The following STX7 variants were observed in gnomAD, a reference collection of about 807,000 sequenced individuals.
The protein encoded by STX7 is syntaxin 7, also known as syntaxin-7.
In STX7, 34 loss-of-function variants were observed where a neutral mutation model predicts 39.6. The observed-to-expected ratio is 0.86, with a 90% CI of 0.65 to 1.14. The LOEUF is 1.14. STX7 is among the 50% of genes most tolerant of loss of function. The pLI is 0.00. For missense variants in STX7, 284 were observed against 310.4 expected (o/e 0.92, Z 0.64); for synonymous variants, 119 against 99.1 (o/e 1.20, Z -1.19).
At chr6:132,494,811 A>C (rs1775382847) in intron 2 of STX7, among the ~76,000 whole-genome samples, 1 of 152,206 alleles carries the variant, frequency 6.6e-6, no homozygotes, top group Non-Finnish European at 1.5e-5. Context: ...AAGCTATAGG[A>C]TGACATGATC....
chr6:132,501,120 C>T (rs1012839118), intron 2 of STX7, among the ~76,000 whole-genome samples: 10 of 150,296 alleles, frequency 6.7e-5, no homozygotes, highest in African/African-American at 2.5e-4. Flanking sequence ...AGTTCAATGG[C>T]GTGATCACTG....
rs1297398830 is a variant in STX7, at chr6:132,453,515, T to C, written c.*7243A>G. ...AATCACACATCCAACAAAGGACTAGTATCTAGAAAAAAATACACACACACA... is the reference window on the plus strand; with the variant it reads ...AATCACACATCCAACAAAGGACTAGCATCTAGAAAAAAATACACACACACA... On this transcript the variant is annotated 3_prime_UTR_variant, in exon 10 of 10. Transcript: ENST00000367941. 2 of 150,672 alleles carry C rather than the reference T, an allele frequency of 1.3e-5. No individual in the cohort carries two copies. The highest frequency in any genetic ancestry group is 3.0e-5 in the Non-Finnish European group (2 of 67,540). The allele number at this position is 150,672 out of a possible 1,614,324, so 9.3% of individuals were successfully genotyped here.
intron 8 of STX7, among the ~76,000 whole-genome samples, chr6:132,464,340 C>T (rs1018842540): frequency 3.9e-5 from 6 of 152,192 alleles, no homozygotes; most frequent in Non-Finnish European, 7.4e-5. Flanking sequence ...CCAGCTCTAC[C>T]TGGCAACCCC....
At chr6:132,477,146 G>A (rs1415751892) in intron 2 of STX7, among the ~76,000 whole-genome samples, 2 of 152,050 alleles carry the variant, frequency 1.3e-5, no homozygotes, top group African/African-American at 2.4e-5. Context: ...CTTAGCATTT[G>A]GCTAATTTAA....
chr6:132,502,490 T>C (rs1180001316), intron 2 of STX7, among the ~76,000 whole-genome samples: 4 of 152,134 alleles, frequency 2.6e-5, no homozygotes, highest in Non-Finnish European at 5.9e-5. Context: ...AATAAAAACC[T>C]ATCCACTCAA....
chr6:132,475,055 C>A (rs1774837725), intron 3 of STX7, among the ~76,000 whole-genome samples: 1 of 151,572 alleles, frequency 6.6e-6, no homozygotes, highest in Non-Finnish European at 1.5e-5. Flanking sequence ...CTGTCAAAAA[C>A]AACCTACCTA....
rs377312171 is a variant in STX7, at chr6:132,458,889, GCCC to G, written c.*1866_*1868del. ...CTTCAAATAAAGGTACTAAAATCAC[GCCC>G]CCCAAATTTGTAAGCGCTTTTGTTG... On this transcript the variant is annotated 3_prime_UTR_variant, in exon 10 of 10. Transcript: ENST00000367941. 6.6e-6 allele frequency: 1 copy of G among 151,912 alleles called. No individual in the cohort carries two copies. Among genetic ancestry groups the G allele is most frequent in the African/African-American group, 2.4e-5 (1 of 41,362 alleles). The allele number at this position is 151,912 out of a possible 1,614,324, so 9.4% of individuals were successfully genotyped here.
intron 1 of STX7, among the ~76,000 whole-genome samples, chr6:132,506,596 A>AC: frequency 6.6e-6 from 1 of 152,268 alleles, no homozygotes; most frequent in Admixed American, 6.5e-5. Flanking sequence ...TCATCCACAA[A>AC]CACATCTTGA....
intron 3 of STX7, among the ~76,000 whole-genome samples, chr6:132,474,013 T>C (rs1251817683): frequency 2.6e-5 from 4 of 151,936 alleles, no homozygotes; most frequent in African/African-American, 4.8e-5. Flanking sequence ...GTGGACTGTC[T>C]GAGCCCAGAA....
intron 2 of STX7, 75 bp from the exon 3 acceptor site, chr6:132,475,737 A>G: frequency 1.1e-6 from 1 of 950,344 alleles, no homozygotes; most frequent in South Asian, 1.7e-5. Context: ...ATTAATATGT[A>G]CAAGCAATTG....
rs752538655 is a variant in STX7 at position 132,447,595 on chromosome 6, A to G, written c.*13163T>C. 7.9e-5 allele frequency: 12 copies of G among 152,002 alleles called. No individual in the cohort carries two copies. Among genetic ancestry groups the G allele is most frequent in the Non-Finnish European group, 1.8e-4 (12 of 67,982 alleles). 9.4% of individuals were successfully genotyped at this position (152,002 alleles called of 1,614,324 possible). A position where few individuals can be genotyped will look rare whatever the true frequency, so the allele number is the denominator to read the frequency against. ...TTGCCCTCTACATTTTTACTTTAAT[A>G]ACTTTGTTTAGAACTGTTATACCTA... On this transcript the variant is annotated 3_prime_UTR_variant, in exon 10 of 10. Transcript: ENST00000367941.
chr6:132,471,704 C>T (rs2114379275), intron 4 of STX7, 104 bp from the exon 5 acceptor site: 2 of 1,305,836 alleles, frequency 1.5e-6, no homozygotes, highest in Middle Eastern at 2.3e-4. Context: ...CACTTACTCC[C>T]CAATTACAGG....
rs934048052 is a variant in STX7 at position 132,489,384 on chromosome 6, T to C, written c.86-13722A>G. On this transcript the variant is annotated intron_variant, in intron 2 of 9. Transcript: ENST00000367941. ...AAAAATGTATCATTAGAAATACCCA[T>C]GTCTATCTATTTTTCAAGAAAAACC... 7.9e-5 allele frequency among the ~76,000 whole-genome samples: 12 copies of C among 152,086 alleles called. No homozygotes were observed. The South Asian group carries it at 2.3e-3, about 29-fold the overall frequency.
At chr6:132,466,724 T>C (rs138577010) in intron 8 of STX7, among the ~76,000 whole-genome samples, 136 of 152,268 alleles carry the variant, frequency 8.9e-4, no homozygotes, top group South Asian at 1.7e-3. Flanking sequence ...TTTAATAATG[T>C]CAAGAAAACC....
intron 1 of STX7, among the ~76,000 whole-genome samples, chr6:132,509,565 C>A (rs182738971): frequency 1.3e-5 from 2 of 151,338 alleles, no homozygotes; most frequent in African/African-American, 2.4e-5. Flanking sequence ...TTCTGCATGC[C>A]CCATATGAAG....
chr6:132,480,742 C>G (rs747545447), intron 2 of STX7, among the ~76,000 whole-genome samples: 2 of 152,166 alleles, frequency 1.3e-5, no homozygotes, highest in Admixed American at 1.3e-4. Flanking sequence ...TCCCAAACAG[C>G]AGAGGTGCTG....
At chr6:132,502,010 C>T (rs561719360) in intron 2 of STX7, among the ~76,000 whole-genome samples, 4 of 152,330 alleles carry the variant, frequency 2.6e-5, no homozygotes, top group East Asian at 1.9e-4. Context: ...ACCATTCCTA[C>T]AGTCCCTGCT....
chr6:132,474,227 CAAA>C (rs67939950), intron 3 of STX7, among the ~76,000 whole-genome samples: 3 of 69,918 alleles, frequency 4.3e-5, no homozygotes, highest in Admixed American at 2.0e-4. Flanking sequence ...GATCCTGTCT[CAAA>C]AAAAAAAAAA....
intron 8 of STX7, 36 bp downstream of exon 8, chr6:132,468,367 G>A: frequency 6.6e-7 from 1 of 1,507,176 alleles, no homozygotes. Flanking sequence ...CATGTAGCTT[G>A]CTCTCACCTC....
Sources: gnomAD v4.1 joint callset for allele counts (sites outside exome capture counted in the v4.1 genomes callset) on GRCh38, gnomAD v4.1.1 for gene constraint, MANE v1.5 for transcripts, NCBI Gene and HGNC (gene_info 2026-07-23, HGNC 2026-07-21) for gene names.